PCNX1: variants seen among roughly 807,000 people sequenced by gnomAD.
The protein encoded by PCNX1 is pecanex-like protein 1.
A neutral mutation model predicts 242.2 loss-of-function variants in PCNX1; 78 were observed. That is an observed-to-expected ratio of 0.32 (90% CI 0.27 to 0.39). The LOEUF is 0.39. Ranked by LOEUF, PCNX1 falls within the 10% of genes least tolerant of loss-of-function variation. The pLI is 1.00. For synonymous variants in PCNX1, 1,024 were observed against 1,032.9 expected, an observed-to-expected ratio of 0.99 and a Z score of 0.17; for missense variants, 2,581 against 2,856.5, an observed-to-expected ratio of 0.90 and a Z score of 2.20.
At chr14:71,087,807 T>C (rs1056761319) in intron 28 of PCNX1, among the ~76,000 whole-genome samples, 7 of 152,172 alleles carry the variant, frequency 4.6e-5, no homozygotes, top group Non-Finnish European at 2.9e-5. Flanking sequence ...CTTCTTTCAA[T>C]TGTAAGGCAT....
chr14:70,989,848 A>G (rs2059112154), intron 7 of PCNX1, among the ~76,000 whole-genome samples: 1 of 152,200 alleles, frequency 6.6e-6, no homozygotes, highest in Non-Finnish European at 1.5e-5. Context: ...ATGGATATAC[A>G]TACTTTACAT....
chr14:71,051,966 A>G lies in PCNX1; in HGVS notation c.4531A>G (p.Ile1511Val), dbSNP rs749003861. The G allele has an allele frequency of 1.9e-6, 3 of 1,612,534 alleles. No individual in the cohort carries two copies. Among genetic ancestry groups the G allele is most frequent in the African/African-American group, 1.3e-5 (1 of 74,986 alleles). ...CCCCTTTCTGGGAAGTGCAATATTC[A>G]TCACTTCATATGTCCGACCTGTGAA... ...LNPFLGSAIF[I>V]TSYVRPVKFW... The change falls in exon 24 of 36, where the codon ATC (isoleucine) becomes GTC (valine). Residue 1511 changes from isoleucine to valine, a missense_variant. Around this residue, in one of 9 missense-constraint regions of PCNX1, gnomAD observed 99 missense variants for 147.3 expected, o/e 0.67. Coordinates refer to ENST00000304743, the MANE Select transcript of PCNX1 (RefSeq NM_014982.3).
In PCNX1 at chr14:70,977,203, C is replaced by G. The variant is rs2058713777; in HGVS notation, c.866C>G (p.Ser289Cys). ...RPRGVPRTSSSAVAFPDTSLN... is the reference protein window; with the variant it reads ...RPRGVPRTSSCAVAFPDTSLN... Reference sequence around the variant, plus strand: ...CGAGGTGTACCACGGACTTCTAGCTCTGCTGTGGCTTTTCCAGACACTTCA... The same window carrying G: ...CGAGGTGTACCACGGACTTCTAGCTGTGCTGTGGCTTTTCCAGACACTTCA... Residue 289 changes from serine to cysteine, a missense_variant, in exon 6 of 36, where the codon TCT becomes TGT. Around this residue, in one of 9 missense-constraint regions of PCNX1, gnomAD observed 1,204 missense variants for 1,216.7 expected, o/e 0.99. Transcript: ENST00000304743. 2 of 1,614,114 alleles carry G rather than the reference C, an allele frequency of 1.2e-6. No individual in the cohort carries two copies. Among genetic ancestry groups the G allele is most frequent in the South Asian group, 2.2e-5 (2 of 91,090 alleles).
intron 11 of PCNX1, among the ~76,000 whole-genome samples, chr14:71,014,891 A>T (rs943491164): frequency 2.6e-5 from 4 of 152,208 alleles, no homozygotes; most frequent in African/African-American, 9.6e-5. Flanking sequence ...CCTCAAGCAT[A>T]AAATGCTTGA....
At chr14:70,930,466 C>T (rs917066) in intron 1 of PCNX1, among the ~76,000 whole-genome samples, 17,337 of 152,112 alleles carry the variant, frequency 0.11, 1,095 homozygotes, top group Admixed American at 0.19. Flanking sequence ...TGTTACCTCC[C>T]TAAGAACAGC....
chr14:71,105,305 A>G lies in PCNX1; in HGVS notation c.6166A>G (p.Thr2056Ala), dbSNP rs2062581437. Residue 2056 changes from threonine to alanine, a missense_variant, in exon 33 of 36, where the codon ACT becomes GCT. Thr to Ala is a moderately conservative substitution (Grantham distance 58). Coordinates refer to ENST00000304743, the MANE Select transcript of PCNX1 (RefSeq NM_014982.3). Reference sequence around the variant, plus strand: ...TGAAGATTCTGATACTGGAGGTGGGACTTCCTGCACTGGTAACAATGCAAC... The same window carrying G: ...TGAAGATTCTGATACTGGAGGTGGGGCTTCCTGCACTGGTAACAATGCAAC... ...NIEDSDTGGGTSCTGNNATTA... is the reference protein window; with the variant it reads ...NIEDSDTGGGASCTGNNATTA... 1 of 1,614,028 alleles carries G rather than the reference A, an allele frequency of 6.2e-7. No individual in the cohort carries two copies. The highest frequency in any genetic ancestry group is 1.3e-5 in the African/African-American group (1 of 75,014).
chr14:71,090,788 A>C (rs542207801), intron 30 of PCNX1, among the ~76,000 whole-genome samples: 1 of 152,350 alleles, frequency 6.6e-6, no homozygotes, highest in South Asian at 2.1e-4. Flanking sequence ...AATTAATTCT[A>C]AATGTTATCA....
At chr14:70,928,076 G>A (rs1461918422) in intron 1 of PCNX1, among the ~76,000 whole-genome samples, 1 of 151,566 alleles carries the variant, frequency 6.6e-6, no homozygotes, top group African/African-American at 2.4e-5. Flanking sequence ...TTTCATTATT[G>A]AATTATTTTG....
In PCNX1 at chr14:71,109,940, G is replaced by A; in HGVS notation, c.*5G>A. The A allele has an allele frequency of 6.2e-7, 1 of 1,612,640 alleles. No homozygotes were observed. Among genetic ancestry groups the A allele is most frequent in the South Asian group, 1.1e-5 (1 of 91,064 alleles). On this transcript the variant is annotated 3_prime_UTR_variant, in exon 36 of 36. Coordinates refer to ENST00000304743, the MANE Select transcript of PCNX1 (RefSeq NM_014982.3). Reference sequence around the variant, plus strand: ...GAACTTGGGGCTGAAGTGTGAGCCAGTGTTTATTATAAAGACATTTCTTTT... The same window carrying A: ...GAACTTGGGGCTGAAGTGTGAGCCAATGTTTATTATAAAGACATTTCTTTT...
intron 19 of PCNX1, among the ~76,000 whole-genome samples, chr14:71,038,203 CA>C (rs1566732850): frequency 1.4e-5 from 1 of 73,270 alleles, no homozygotes; most frequent in Admixed American, 1.7e-4. Flanking sequence ...GCAATGGCAA[CA>C]AAAGCCAAAA....
At chr14:71,038,998 C>T (rs997925834) in intron 19 of PCNX1, among the ~76,000 whole-genome samples, 4 of 151,430 alleles carry the variant, frequency 2.6e-5, no homozygotes, top group South Asian at 4.2e-4. Context: ...CGCATATTCT[C>T]ACTCATAGGT....
At chr14:71,035,877 CCATCT>C (rs1205741561) in intron 18 of PCNX1, among the ~76,000 whole-genome samples, 183 bp from the exon 19 acceptor site, 3 of 151,984 alleles carry the variant, frequency 2.0e-5, no homozygotes, top group Non-Finnish European at 4.4e-5. Context: ...CCACTGCACT[CCATCT>C]TAGAGAAAGA....
At chr14:70,970,054 T>C (rs1449390460) in intron 5 of PCNX1, 1 of 151,930 alleles carries the variant, frequency 6.6e-6, no homozygotes, top group African/African-American at 2.4e-5. Flanking sequence ...ATGGAAACTT[T>C]TTTAAAACAA....
At chr14:70,990,963 CT>C (rs563927069) in intron 7 of PCNX1, among the ~76,000 whole-genome samples, 2,232 of 149,600 alleles carry the variant, frequency 0.015, 24 homozygotes, top group Middle Eastern at 0.034. Flanking sequence ...TTATATAAAA[CT>C]TTTTTTTTTA....
chr14:70,933,622 T>G (rs182905344), intron 1 of PCNX1, among the ~76,000 whole-genome samples: 8 of 152,294 alleles, frequency 5.3e-5, no homozygotes, highest in Middle Eastern at 3.4e-3. Context: ...ATATGTTGTT[T>G]TGGCCCTAAG....
intron 13 of PCNX1, 149 bp from the exon 14 acceptor site, chr14:71,025,968 A>G (rs1391196964): frequency 2.1e-6 from 1 of 469,576 alleles, no homozygotes; most frequent in Non-Finnish European, 3.8e-6. Context: ...CCTCCTTTCT[A>G]TATTTGTTAA....
Position 71,105,314 on chromosome 14 carries a change from A to G in PCNX1, c.6175A>G (p.Thr2059Ala), listed in dbSNP as rs1342876493. The G allele has an allele frequency of 1.3e-5, 21 of 1,613,898 alleles. 1 individual carries two copies. Among genetic ancestry groups the G allele is most frequent in the Middle Eastern group, 1.6e-4 (1 of 6,084 alleles). ...DSDTGGGTSC[T>A]GNNATTANNP... Reference sequence around the variant, plus strand: ...TGATACTGGAGGTGGGACTTCCTGCACTGGTAACAATGCAACAACTGCCAA... The same window carrying G: ...TGATACTGGAGGTGGGACTTCCTGCGCTGGTAACAATGCAACAACTGCCAA... The change falls in exon 33 of 36, where the codon ACT becomes GCT. Residue 2059 changes from threonine to alanine, a missense_variant. By Grantham distance (58) the Thr-to-Ala change is moderately conservative. This residue lies in a region of PCNX1 where 432 missense variants were observed against 433.6 expected (regional missense o/e 1.00). Transcript: ENST00000304743.
chr14:70,908,844 C>T (rs990542517), intron 1 of PCNX1, among the ~76,000 whole-genome samples: 1 of 151,540 alleles, frequency 6.6e-6, no homozygotes, highest in Non-Finnish European at 1.5e-5. Flanking sequence ...ATCAGCTTCT[C>T]TGAATCATCT....
Position 70,949,295 on chromosome 14 carries a change from G to GTA in PCNX1, c.362+2173_362+2174dup, listed in dbSNP as rs551492519. 3.4e-3 allele frequency among the ~76,000 whole-genome samples: 357 copies of GTA among 106,498 alleles called. 1 individual carries two copies. The highest frequency in any genetic ancestry group is 0.012 in the African/African-American group (344 of 29,638). 69.9% of individuals were successfully genotyped at this position (106,498 alleles called of 152,430 possible). A position where few individuals can be genotyped will look rare whatever the true frequency, so the allele number is the denominator to read the frequency against. On this transcript the variant is annotated intron_variant, in intron 2 of 35. Transcript: ENST00000304743. The stretch of plus-strand genomic sequence containing the variant: ...CACACACGTGTATACACACACGTGT[G>GTA]TACACACATATGTGTGTAGATACAC...
Sources: allele counts gnomAD v4.1 joint callset (sites outside exome capture counted in the v4.1 genomes callset), GRCh38; gene constraint gnomAD v4.1.1; regional missense constraint gnomAD v4.1.1; transcripts MANE v1.5; gene names NCBI Gene and HGNC (gene_info 2026-07-23, HGNC 2026-07-21).